The following ADTRP variants were observed in gnomAD, a reference collection of about 807,000 sequenced individuals.
The protein encoded by ADTRP is androgen dependent TFPI regulating protein.
Under a neutral mutation model 27.0 loss-of-function variants are expected in ADTRP, and 20 were observed. That is an observed-to-expected ratio of 0.74 (90% CI 0.52 to 1.08). The LOEUF (loss-of-function observed/expected upper bound fraction) is 1.08. ADTRP is among the 50% of genes least tolerant of loss of function. The pLI is 0.00. For missense variants in ADTRP, 251 were observed against 275.0 expected, an observed-to-expected ratio of 0.91 and a Z score of 0.62; for synonymous variants, 101 against 105.2, an observed-to-expected ratio of 0.96 and a Z score of 0.25.
At chr6:11,745,464 A>G (rs575709550) in intron 3 of ADTRP, among the ~76,000 whole-genome samples, 1 of 152,348 alleles carries the variant, frequency 6.6e-6, no homozygotes, top group African/African-American at 2.4e-5. Flanking sequence ...GGACTAGGTG[A>G]GTCCTAAAGC....
intron 3 of ADTRP, among the ~76,000 whole-genome samples, chr6:11,748,450 C>T (rs1045360841): frequency 4.6e-5 from 7 of 152,220 alleles, no homozygotes; most frequent in Non-Finnish European, 8.8e-5. Context: ...ATGCCATAAT[C>T]ATTAAGTGCC....
chr6:11,747,334 C>G (rs1226756514), intron 3 of ADTRP, among the ~76,000 whole-genome samples: 4 of 152,212 alleles, frequency 2.6e-5, no homozygotes, highest in Admixed American at 2.0e-4. Flanking sequence ...CAGAATACCC[C>G]TCTGAAATGA....
chr6:11,759,496 CT>C lies in ADTRP; in HGVS notation c.390+6777del, dbSNP rs531291278. On this transcript the variant is annotated intron_variant, in intron 3 of 5. Coordinates refer to ENST00000414691, the MANE Select transcript of ADTRP (RefSeq NM_032744.4). ...TTTCTATTGATAGGTAACTGCAAAA[CT>C]TTTTTTTTTAAAAAAGAAAATACTT... Among the ~76,000 whole-genome samples, 588 of 150,518 alleles carry C rather than the reference CT, an allele frequency of 3.9e-3. 7 individuals carry two copies. The highest frequency in any genetic ancestry group is 0.014 in the African/African-American group (554 of 41,028).
intron 4 of ADTRP, among the ~76,000 whole-genome samples, chr6:11,733,270 T>TAATC (rs1420840480): frequency 7.9e-5 from 12 of 152,258 alleles, no homozygotes; most frequent in Admixed American, 7.9e-4. Flanking sequence ...ATCATCTTTC[T>TAATC]AATCAGCTTT....
At chr6:11,719,666 G>A (rs1394871393) in intron 5 of ADTRP, among the ~76,000 whole-genome samples, 1 of 152,170 alleles carries the variant, frequency 6.6e-6, no homozygotes, top group African/African-American at 2.4e-5. Context: ...ACTGGAAGCA[G>A]AGATTCCAGT....
At chr6:11,721,533 ATAAT>A (rs965955637) in intron 5 of ADTRP, among the ~76,000 whole-genome samples, 1 of 152,236 alleles carries the variant, frequency 6.6e-6, no homozygotes, top group Non-Finnish European at 1.5e-5. Context: ...TAAATTATTT[ATAAT>A]TAATAAAGAT....
intron 3 of ADTRP, among the ~76,000 whole-genome samples, chr6:11,757,905 C>T (rs1162795180): frequency 2.0e-5 from 3 of 152,150 alleles, no homozygotes; most frequent in African/African-American, 7.2e-5. Flanking sequence ...TAATAAAGCA[C>T]CAGTTGTGGT....
At chr6:11,720,480 C>CT (rs58712593) in intron 5 of ADTRP, among the ~76,000 whole-genome samples, 22 of 148,518 alleles carry the variant, frequency 1.5e-4, no homozygotes, top group African/African-American at 4.0e-4. Flanking sequence ...ATACCCTTTT[C>CT]TTTTTTTTTG....
intron 1 of ADTRP, among the ~76,000 whole-genome samples, chr6:11,776,692 G>T (rs1277170229): frequency 6.6e-6 from 1 of 152,140 alleles, no homozygotes; most frequent in Non-Finnish European, 1.5e-5. Context: ...AGAGAACACC[G>T]GGCAGAGAAG....
At chr6:11,717,172 T>C (rs1168881617) in intron 5 of ADTRP, 10 of 900,082 alleles carry the variant, frequency 1.1e-5, no homozygotes, top group African/African-American at 1.8e-5. Context: ...TTTTCTTGAT[T>C]GAGAAGCATT....
intron 1 of ADTRP, among the ~76,000 whole-genome samples, chr6:11,774,783 T>C (rs1763899446): frequency 6.6e-6 from 1 of 152,220 alleles, no homozygotes. Flanking sequence ...AAGCTGTGGC[T>C]GCTGAGCCTT....
chr6:11,759,959 G>C (rs1483617719), intron 3 of ADTRP, among the ~76,000 whole-genome samples: 1 of 152,178 alleles, frequency 6.6e-6, no homozygotes, highest in Non-Finnish European at 1.5e-5. Context: ...TAAGTGGTCT[G>C]CCTGGAAGAA....
chr6:11,758,972 C>A (rs1006668313), intron 3 of ADTRP, among the ~76,000 whole-genome samples: 1 of 152,178 alleles, frequency 6.6e-6, no homozygotes, highest in East Asian at 1.9e-4. Flanking sequence ...TCAACTTGCC[C>A]TGCTCATGTT....
chr6:11,760,936 C>G (rs1383353428), intron 3 of ADTRP, among the ~76,000 whole-genome samples: 2 of 152,150 alleles, frequency 1.3e-5, no homozygotes, highest in African/African-American at 2.4e-5. Context: ...AGGTGACTTT[C>G]TATCATACTC....
At position 11,714,996 on chromosome 6, in the gene ADTRP, T is replaced by C. The variant is rs151198446; in HGVS notation, c.659-484A>G. Among the ~76,000 whole-genome samples, 9 of 152,320 alleles carry C rather than the reference T, an allele frequency of 5.9e-5. No homozygotes were observed. In the East Asian group the frequency reaches 1.7e-3, roughly 29 times the overall value. On this transcript the variant is annotated intron_variant, in intron 5 of 5. Transcript: ENST00000414691. ...AAAAGTACTGGCATATGGATTAGGTTTGAGTAAGCTCATTAGAGGGGCATT... is the reference window on the plus strand; with the variant it reads ...AAAAGTACTGGCATATGGATTAGGTCTGAGTAAGCTCATTAGAGGGGCATT...
chr6:11,749,014 T>C (rs1294949664), intron 3 of ADTRP, among the ~76,000 whole-genome samples: 2 of 152,240 alleles, frequency 1.3e-5, no homozygotes, highest in Non-Finnish European at 2.9e-5. Flanking sequence ...GATTTTGCCA[T>C]GGTCTGTAGA....
intron 3 of ADTRP, among the ~76,000 whole-genome samples, chr6:11,754,850 G>A (rs1763162243): frequency 6.6e-6 from 1 of 152,146 alleles, no homozygotes; most frequent in South Asian, 2.1e-4. Context: ...TATTTAATTA[G>A]GAAGAGGAGT....
chr6:11,769,870 C>A (rs9380513), intron 1 of ADTRP, among the ~76,000 whole-genome samples: 19,859 of 152,020 alleles, frequency 0.13, 1,658 homozygotes, highest in East Asian at 0.46. Flanking sequence ...CAAGTTTAGC[C>A]CTCAAAAATC....
At chr6:11,767,501 G>C (rs1217359299) in intron 2 of ADTRP, among the ~76,000 whole-genome samples, 1 of 152,214 alleles carries the variant, frequency 6.6e-6, no homozygotes, top group African/African-American at 2.4e-5. Flanking sequence ...CTGTACTATA[G>C]GAAGCAGGAC....
Sources: gnomAD v4.1 joint callset for allele counts (sites outside exome capture counted in the v4.1 genomes callset) on GRCh38, gnomAD v4.1.1 for gene constraint, MANE v1.5 for transcripts, NCBI Gene and HGNC (gene_info 2026-07-23, HGNC 2026-07-21) for gene names.